Variants in KYAT3 observed in about 807,000 individuals in gnomAD.
The protein encoded by KYAT3 is kynurenine aminotransferase 3.
KYAT3 carries 50 observed loss-of-function variants against 59.0 expected under a neutral mutation model. That is an observed-to-expected ratio of 0.85 (90% confidence interval 0.68 to 1.07). The LOEUF (loss-of-function observed/expected upper bound fraction) is 1.07. Ranked by LOEUF, KYAT3 falls within the 50% of genes least tolerant of loss-of-function variation. KYAT3 has a pLI of 0.00. For synonymous variants in KYAT3, 148 were observed against 177.0 expected, an observed-to-expected ratio of 0.84 and a Z score of 1.30; for missense variants, 497 against 533.3, an observed-to-expected ratio of 0.93 and a Z score of 0.67.
At chr1:88,988,393 G>A (rs1484190533) in intron 1 of KYAT3, 42 bp from the exon 2 acceptor site, 1 of 1,167,586 alleles carries the variant, frequency 8.6e-7, no homozygotes, top group Admixed American at 1.7e-5. Flanking sequence ...ATAAATATAT[G>A]ATGGGTACAT....
chr1:88,961,660 G>GA (rs11413730), intron 6 of KYAT3, among the ~76,000 whole-genome samples, 154 bp from the exon 7 acceptor site: 4,821 of 151,914 alleles, frequency 0.032, 228 homozygotes, highest in African/African-American at 0.11. Context: ...AGTAGGAACA[G>GA]AAAAAAAACT....
intron 13 of KYAT3, among the ~76,000 whole-genome samples, chr1:88,938,262 T>A (rs1675110746): frequency 6.6e-6 from 1 of 152,220 alleles, no homozygotes; most frequent in Non-Finnish European, 1.5e-5. Context: ...CCTATCTTCC[T>A]CAGCCACTCA....
At chr1:88,981,822 A>G in intron 2 of KYAT3, 1 of 339,670 alleles carries the variant, frequency 2.9e-6, no homozygotes, top group Non-Finnish European at 4.2e-6. Context: ...ACTTTTTAGA[A>G]GTCATAAGCC....
chr1:88,975,917 C>A (rs1224047166), intron 2 of KYAT3, among the ~76,000 whole-genome samples: 1 of 152,102 alleles, frequency 6.6e-6, no homozygotes, highest in Non-Finnish European at 1.5e-5. Context: ...TGCCTGTAGT[C>A]CCAGCTACTC....
At chr1:88,937,984 C>A (rs1675101372) in intron 13 of KYAT3, among the ~76,000 whole-genome samples, 1 of 152,066 alleles carries the variant, frequency 6.6e-6, no homozygotes, top group Non-Finnish European at 1.5e-5. Flanking sequence ...ATAAAAAGGA[C>A]ATTATTGGGA....
intron 10 of KYAT3, among the ~76,000 whole-genome samples, chr1:88,950,222 C>A (rs1675615482): frequency 6.6e-6 from 1 of 152,144 alleles, no homozygotes; most frequent in South Asian, 2.1e-4. Context: ...ACATTAAGGA[C>A]CAGGCAGGTA....
chr1:88,928,725 G>A, the KYAT3 span, among the ~76,000 whole-genome samples: 1 of 152,068 alleles, frequency 6.6e-6, no homozygotes, highest in South Asian at 2.1e-4. Context: ...AGACCATTGA[G>A]GGCCAGGAGG....
intron 2 of KYAT3, among the ~76,000 whole-genome samples, chr1:88,971,245 G>T (rs570972652): frequency 6.6e-6 from 1 of 152,252 alleles, no homozygotes; most frequent in African/African-American, 2.4e-5. Context: ...AAATTATTTA[G>T]ATAATTGAGG....
chr1:88,926,018 C>A, the KYAT3 span, among the ~76,000 whole-genome samples: 2 of 152,112 alleles, frequency 1.3e-5, no homozygotes, highest in African/African-American at 4.8e-5. Flanking sequence ...CAGGAACCCG[C>A]GGGTGGCCCA....
chr1:88,951,767 T>G (rs1675685664), intron 10 of KYAT3, among the ~76,000 whole-genome samples: 1 of 152,150 alleles, frequency 6.6e-6, no homozygotes, highest in Non-Finnish European at 1.5e-5. Context: ...TTCTTTTCTC[T>G]TTAGCAGCCA....
chr1:88,959,830 C>A (rs1276712118), intron 8 of KYAT3, among the ~76,000 whole-genome samples: 2 of 151,322 alleles, frequency 1.3e-5, no homozygotes, highest in African/African-American at 2.4e-5. Flanking sequence ...TTGTAATATA[C>A]TATAGGAATA....
At chr1:88,992,186 G>C (rs1677844905) in intron 1 of KYAT3, among the ~76,000 whole-genome samples, 1 of 152,094 alleles carries the variant, frequency 6.6e-6, no homozygotes, top group African/African-American at 2.4e-5. Context: ...CACCGTGTTA[G>C]CCAGGATGGT....
At chr1:88,934,547 T>A (rs1360442346), downstream of KYAT3, among the ~76,000 whole-genome samples, 1 of 152,186 alleles carries the variant, frequency 6.6e-6, no homozygotes, top group African/African-American at 2.4e-5. Flanking sequence ...GTCAGTGACG[T>A]GAATTCATGG....
the KYAT3 span, among the ~76,000 whole-genome samples, chr1:88,921,218 T>C: frequency 6.6e-6 from 1 of 152,124 alleles, no homozygotes; most frequent in Non-Finnish European, 1.5e-5. Context: ...CTGCTTCACC[T>C]CCAGGCCTCG....
intron 2 of KYAT3, among the ~76,000 whole-genome samples, chr1:88,969,898 T>A (rs1464279769): frequency 1.3e-5 from 2 of 152,114 alleles, no homozygotes; most frequent in Non-Finnish European, 2.9e-5. Flanking sequence ...CCTCAAGGGA[T>A]CCTCCTACCT....
chr1:88,955,185 TC>T lies in KYAT3; in HGVS notation c.827del (p.Gly276GlufsTer9). The T allele has an allele frequency of 6.2e-7, 1 of 1,612,650 alleles. No individual in the cohort carries two copies. On this transcript the variant is annotated frameshift_variant, in exon 9 of 14. Transcript: ENST00000260508. LOFTEE classifies it high-confidence loss of function. Reference protein sequence around the residue: ...PGMWERTITIGSAGKTFSVTG... With the variant: ...PGMWERTITIXSAGKTFSVTG... ...TTACACTGAAAGTCTTTCCAGCACTTCCTATTGTTATTGTTCTCTCCCACAT... is the reference window on the plus strand; with the variant it reads ...TTACACTGAAAGTCTTTCCAGCACTTCTATTGTTATTGTTCTCTCCCACAT...
chr1:88,925,110 T>C, the KYAT3 span, among the ~76,000 whole-genome samples: 2 of 152,146 alleles, frequency 1.3e-5, no homozygotes, highest in South Asian at 4.1e-4. Context: ...TATTCTTCCT[T>C]AGAATTGGAG....
At chr1:88,955,829 A>ATG (rs146197538) in intron 8 of KYAT3, among the ~76,000 whole-genome samples, 4,829 of 148,422 alleles carry the variant, frequency 0.033, 225 homozygotes, top group African/African-American at 0.11. Context: ...ATGTGTGCAC[A>ATG]TGTGTGTGTG....
chr1:88,943,927 T>A (rs1409093017), intron 11 of KYAT3, among the ~76,000 whole-genome samples: 1 of 152,188 alleles, frequency 6.6e-6, no homozygotes, highest in African/African-American at 2.4e-5. Flanking sequence ...AAAGTATATT[T>A]GTTGAATGGA....
Sources: allele counts gnomAD v4.1 joint callset (sites outside exome capture counted in the v4.1 genomes callset), GRCh38; gene constraint gnomAD v4.1.1; transcripts MANE v1.5; gene names NCBI Gene and HGNC (gene_info 2026-07-23, HGNC 2026-07-21).